TUSC3: variants seen among roughly 807,000 people sequenced by gnomAD.
TUSC3 encodes the protein dolichyl-diphosphooligosaccharide--protein glycosyltransferase subunit TUSC3.
Under a neutral mutation model 44.8 loss-of-function variants are expected in TUSC3, and 45 were observed. That is an observed-to-expected ratio of 1.00 (90% CI 0.79 to 1.29). The LOEUF is 1.29. Among genes scored for constraint, TUSC3 ranks in the 50% most tolerant of loss-of-function variants. The probability of loss-of-function intolerance (pLI) is 0.00; values close to 1 mark genes in which losing one functional copy is unlikely to be tolerated. For synonymous variants in TUSC3, 212 were observed against 152.9 expected (o/e 1.39, Z -2.85); for missense variants, 519 against 437.9 (o/e 1.19, Z -1.65).
chr8:15,450,327 G>C (rs868727532), intron 1 of TUSC3, among the ~76,000 whole-genome samples: 1 of 152,034 alleles, frequency 6.6e-6, no homozygotes. Flanking sequence ...TACATATTTG[G>C]TGCAAACATT....
chr8:15,659,238 C>G (rs981986610), intron 3 of TUSC3, among the ~76,000 whole-genome samples: 1 of 151,812 alleles, frequency 6.6e-6, no homozygotes, highest in African/African-American at 2.4e-5. Context: ...AGAAAAAGAA[C>G]GAAATGACTT....
chr8:15,643,509 T>C (rs187073750), intron 2 of TUSC3, among the ~76,000 whole-genome samples: 4 of 152,300 alleles, frequency 2.6e-5, no homozygotes, highest in African/African-American at 9.6e-5. Flanking sequence ...TATGTTCATA[T>C]ACAGTTTTGC....
chr8:15,828,547 G>A, the TUSC3 span, among the ~76,000 whole-genome samples: 1 of 152,160 alleles, frequency 6.6e-6, no homozygotes, highest in Non-Finnish European at 1.5e-5. Flanking sequence ...AAACAAATGG[G>A]AATTTTGGTT....
chr8:15,446,022 C>G lies in TUSC3; in HGVS notation n.91+28717C>G, dbSNP rs555426863. ...CTCACTTCCCAGACGGGCCGGCTGC[C>G]GGGCGGAGGGGCTCCTCACTTCTCA... On this transcript the variant is annotated intron_variant and non_coding_transcript_variant, in intron 1 of 5. Transcript: ENST00000503191. 4.0e-5 allele frequency among the ~76,000 whole-genome samples: 6 copies of G among 150,876 alleles called. No individual in the cohort carries two copies. The South Asian group carries it at 1.1e-3, about 26-fold the overall frequency.
chr8:15,839,362 C>A, the TUSC3 span, among the ~76,000 whole-genome samples: 1 of 152,072 alleles, frequency 6.6e-6, no homozygotes, highest in African/African-American at 2.4e-5. Context: ...CTTTCTCCTG[C>A]CTGATTGCCC....
intron 2 of TUSC3, among the ~76,000 whole-genome samples, chr8:15,529,606 T>G (rs891296966): frequency 1.3e-5 from 2 of 151,996 alleles, no homozygotes; most frequent in African/African-American, 4.8e-5. Flanking sequence ...AATACTAACA[T>G]TACTTAGATG....
chr8:15,528,326 A>C (rs1355462554), intron 2 of TUSC3, among the ~76,000 whole-genome samples: 2 of 152,240 alleles, frequency 1.3e-5, no homozygotes, highest in Non-Finnish European at 2.9e-5. Context: ...GAAATGAATT[A>C]GGAAGAAAGC....
At chr8:15,485,998 T>TA (rs1800728251) in intron 2 of TUSC3, among the ~76,000 whole-genome samples, 1 of 152,130 alleles carries the variant, frequency 6.6e-6, no homozygotes, top group Non-Finnish European at 1.5e-5. Context: ...TTCGCCATGT[T>TA]GGGCAGGCTG....
chr8:15,526,961 G>C (rs566228561), intron 2 of TUSC3, among the ~76,000 whole-genome samples: 21 of 152,172 alleles, frequency 1.4e-4, no homozygotes, highest in African/African-American at 4.8e-4. Context: ...AAGGATAAAG[G>C]ATTAAGTGTA....
intron 1 of TUSC3, among the ~76,000 whole-genome samples, chr8:15,556,153 CCCCTCCCCCCA>C (rs1293703031): frequency 9.4e-6 from 1 of 106,300 alleles, no homozygotes; most frequent in Non-Finnish European, 1.8e-5. Flanking sequence ...CTATCCCTCC[CCCCTCCCCCCA>C]CCCCACAACA....
chr8:15,691,738 T>G (rs10092736), intron 6 of TUSC3, among the ~76,000 whole-genome samples: 112 of 152,292 alleles, frequency 7.4e-4, no homozygotes, highest in African/African-American at 2.6e-3. Flanking sequence ...AATTTTTTTT[T>G]GAAAGCCTTT....
chr8:15,843,016 G>A, the TUSC3 span, among the ~76,000 whole-genome samples: 13 of 152,188 alleles, frequency 8.5e-5, no homozygotes, highest in East Asian at 5.8e-4. Flanking sequence ...CACAGCCTGA[G>A]AACATGAGTA....
the TUSC3 span, among the ~76,000 whole-genome samples, chr8:15,850,185 A>G: frequency 6.6e-6 from 1 of 151,282 alleles, no homozygotes; most frequent in Admixed American, 6.6e-5. Context: ...TGCCTTTCCC[A>G]ATAAGGTTTA....
At chr8:15,723,157 A>G (rs932278312) in intron 6 of TUSC3, among the ~76,000 whole-genome samples, 3 of 152,166 alleles carry the variant, frequency 2.0e-5, no homozygotes, top group African/African-American at 7.2e-5. Context: ...ATCCTCAAAT[A>G]GGAAAATAAA....
intron 6 of TUSC3, among the ~76,000 whole-genome samples, chr8:15,720,571 G>A (rs1810265625): frequency 6.6e-6 from 1 of 152,046 alleles, no homozygotes; most frequent in Admixed American, 6.6e-5. Flanking sequence ...AGTCTCTGAT[G>A]TCAAAGATTT....
chr8:15,783,489 G>A, the TUSC3 span, among the ~76,000 whole-genome samples: 1 of 152,100 alleles, frequency 6.6e-6, no homozygotes, highest in Non-Finnish European at 1.5e-5. Context: ...CAAAGCTATG[G>A]TATTCAAAAC....
intron 3 of TUSC3, among the ~76,000 whole-genome samples, chr8:15,657,242 T>C (rs1377942758): frequency 6.6e-6 from 1 of 152,210 alleles, no homozygotes; most frequent in Non-Finnish European, 1.5e-5. Flanking sequence ...TTCCAAATCT[T>C]TATGTTTTGC....
At chr8:15,560,342 T>G (rs200065040) in intron 1 of TUSC3, among the ~76,000 whole-genome samples, 37,225 of 132,722 alleles carry the variant, frequency 0.28, 8,535 homozygotes, top group Non-Finnish European at 0.39. Context: ...CCCACTCTCT[T>G]CTGGCTTGTA....
chr8:15,625,723 A>T (rs1805477397), intron 2 of TUSC3, among the ~76,000 whole-genome samples: 1 of 152,216 alleles, frequency 6.6e-6, no homozygotes, highest in Non-Finnish European at 1.5e-5. Context: ...AGTTTTACTC[A>T]GGTTAGGTGG....
Sources: gnomAD v4.1 joint callset for allele counts (sites outside exome capture counted in the v4.1 genomes callset) on GRCh38, gnomAD v4.1.1 for gene constraint, MANE v1.5 for transcripts, NCBI Gene and HGNC (gene_info 2026-07-23, HGNC 2026-07-21) for gene names.